The following PRKD1 variants were observed in gnomAD, a reference collection of about 807,000 sequenced individuals.
The protein encoded by PRKD1 is protein kinase D1, also known as serine/threonine-protein kinase D1.
In PRKD1, 63 loss-of-function variants were observed where a neutral mutation model predicts 95.9. The observed-to-expected ratio is 0.66, with a 90% CI of 0.54 to 0.81. The LOEUF is 0.81. Ranked by LOEUF, PRKD1 falls within the 30% of genes least tolerant of loss-of-function variation. The pLI, the probability that PRKD1 is intolerant of heterozygous loss-of-function variation, is 0.00. For synonymous variants in PRKD1, 425 were observed against 423.1 expected, an observed-to-expected ratio of 1.00 and a Z score of -0.05; for missense variants, 1,048 against 1,165.3, an observed-to-expected ratio of 0.90 and a Z score of 1.47.
At chr14:29,809,520 A>AT (rs1246480556) in intron 1 of PRKD1, among the ~76,000 whole-genome samples, 1 of 152,200 alleles carries the variant, frequency 6.6e-6, no homozygotes, top group Non-Finnish European at 1.5e-5. Context: ...TAACTTGCTG[A>AT]TGCTTCTACA....
At chr14:29,609,321 C>T (rs1484160598) in intron 13 of PRKD1, among the ~76,000 whole-genome samples, 2 of 152,006 alleles carry the variant, frequency 1.3e-5, no homozygotes, top group Non-Finnish European at 2.9e-5. Flanking sequence ...GGGAGTCAAC[C>T]TTGAGGTGGC....
At chr14:29,619,479 G>A (rs1483447847) in intron 13 of PRKD1, among the ~76,000 whole-genome samples, 1 of 152,130 alleles carries the variant, frequency 6.6e-6, no homozygotes, top group African/African-American at 2.4e-5. Flanking sequence ...TGGCAGTGGG[G>A]ATACATTAGT....
chr14:29,914,830 T>C (rs1477859535), intron 1 of PRKD1, among the ~76,000 whole-genome samples: 1 of 151,826 alleles, frequency 6.6e-6, no homozygotes, highest in Non-Finnish European at 1.5e-5. Context: ...TGGAGTGCAG[T>C]GGCGTGATCT....
intron 13 of PRKD1, among the ~76,000 whole-genome samples, chr14:29,613,342 T>C (rs1171376552): frequency 6.6e-6 from 1 of 152,198 alleles, no homozygotes; most frequent in Non-Finnish European, 1.5e-5. Context: ...TCTCTGGTTT[T>C]CTGTCATAAT....
Position 29,577,248 on chromosome 14 carries a change from C to T in PRKD1, c.2729G>A (p.Ser910Asn), listed in dbSNP as rs1452411516. 1 of 1,612,414 alleles carries T rather than the reference C, an allele frequency of 6.2e-7. No individual in the cohort carries two copies. The highest frequency in any genetic ancestry group is 8.5e-7 in the Non-Finnish European group (1 of 1,178,866). ...TATAGGAGATGGAACTCAGAGGATG[C>T]TGACACGCTCACCGAGGGCTTTCAT... The part of the protein sequence containing the change: ...TEMKALGERV[S>N]IL The change falls in exon 18 of 18, where the codon AGC (serine) becomes AAC (asparagine). Residue 910 changes from serine (S) to asparagine (N), a missense_variant. Ser to Asn is a conservative substitution (Grantham distance 46, BLOSUM62 1). Transcript: ENST00000331968.
chr14:29,641,653 A>G (rs2139146382), intron 4 of PRKD1, among the ~76,000 whole-genome samples: 1 of 152,280 alleles, frequency 6.6e-6, no homozygotes, highest in Admixed American at 6.5e-5. Context: ...GTGTGAAAAC[A>G]AAAAAGTAAG....
intron 16 of PRKD1, among the ~76,000 whole-genome samples, chr14:29,593,755 AG>A (rs1893208303): frequency 6.6e-6 from 1 of 152,222 alleles, no homozygotes; most frequent in Non-Finnish European, 1.5e-5. Context: ...GAGCCAATAA[AG>A]TATCTTATTT....
chr14:29,834,114 T>G (rs1381374329), intron 1 of PRKD1, among the ~76,000 whole-genome samples: 1 of 152,186 alleles, frequency 6.6e-6, no homozygotes, highest in Non-Finnish European at 1.5e-5. Flanking sequence ...TTCATGAAAC[T>G]TTAATTTGTT....
rs553740694 is a variant in PRKD1, at chr14:29,791,916, A to T, written c.265-66242T>A. ...TTTAATATTTCTTAAAAGTTGCCGA[A>T]CTGTTTTCCAAAGTGATTGTGGTAT... On this transcript the variant is annotated intron_variant, in intron 1 of 17. Transcript: ENST00000331968. Among the ~76,000 whole-genome samples, 8 of 152,274 alleles carry T rather than the reference A, an allele frequency of 5.3e-5. No homozygotes were observed. In the East Asian group the frequency reaches 1.5e-3, roughly 29 times the overall value.
chr14:29,846,898 G>A (rs1423595839), intron 1 of PRKD1, among the ~76,000 whole-genome samples: 3 of 152,156 alleles, frequency 2.0e-5, no homozygotes, highest in Non-Finnish European at 4.4e-5. Flanking sequence ...AGTCAAGCAT[G>A]ACACCTGTGT....
intron 1 of PRKD1, among the ~76,000 whole-genome samples, chr14:29,747,832 C>T (rs1887299340): frequency 6.6e-6 from 1 of 152,160 alleles, no homozygotes; most frequent in South Asian, 2.1e-4. Context: ...CAACCTCTGT[C>T]TCCTGAACTC....
intron 2 of PRKD1, among the ~76,000 whole-genome samples, chr14:29,698,758 CT>C (rs1884670202): frequency 6.6e-6 from 1 of 151,966 alleles, no homozygotes; most frequent in Non-Finnish European, 1.5e-5. Context: ...ATCGTGGTCT[CT>C]TTTCCCTAAA....
At chr14:29,833,777 T>C (rs1416492240) in intron 1 of PRKD1, among the ~76,000 whole-genome samples, 2 of 152,072 alleles carry the variant, frequency 1.3e-5, no homozygotes, top group Admixed American at 1.3e-4. Flanking sequence ...TACAATGAAA[T>C]TGCTATTTGT....
At chr14:29,596,466 T>C (rs1893308201) in intron 16 of PRKD1, among the ~76,000 whole-genome samples, 1 of 152,192 alleles carries the variant, frequency 6.6e-6, no homozygotes, top group African/African-American at 2.4e-5. Flanking sequence ...TCACTTCTTT[T>C]TTTTTGAGAT....
intron 2 of PRKD1, among the ~76,000 whole-genome samples, chr14:29,721,488 T>C (rs966083343): frequency 2.6e-5 from 4 of 152,140 alleles, no homozygotes; most frequent in African/African-American, 9.7e-5. Flanking sequence ...TGATAATTAT[T>C]AGAGATCAAG....
chr14:29,765,116 T>TG (rs1888199835), intron 1 of PRKD1, among the ~76,000 whole-genome samples: 1 of 152,168 alleles, frequency 6.6e-6, no homozygotes, highest in Admixed American at 6.5e-5. Flanking sequence ...ATTATCTCTG[T>TG]GGGAGTGTAC....
chr14:29,662,710 T>C (rs1882250057), intron 4 of PRKD1, among the ~76,000 whole-genome samples: 6 of 152,096 alleles, frequency 3.9e-5, no homozygotes, highest in Admixed American at 3.9e-4. Flanking sequence ...AAGTAATTTA[T>C]ACAACTTCTT....
At chr14:29,651,693 A>T (rs1199944099) in intron 4 of PRKD1, among the ~76,000 whole-genome samples, 1 of 151,630 alleles carries the variant, frequency 6.6e-6, no homozygotes, top group African/African-American at 2.4e-5. Context: ...AGGACATATA[A>T]ACTGTTGAAG....
intron 4 of PRKD1, among the ~76,000 whole-genome samples, chr14:29,661,447 G>T (rs1212117852): frequency 1.3e-5 from 2 of 152,118 alleles, no homozygotes; most frequent in Non-Finnish European, 2.9e-5. Context: ...TGGTGTTACT[G>T]GGTTGAAAAG....
Sources: allele counts gnomAD v4.1 joint callset (sites outside exome capture counted in the v4.1 genomes callset), GRCh38; gene constraint gnomAD v4.1.1; transcripts MANE v1.5; gene names NCBI Gene and HGNC (gene_info 2026-07-23, HGNC 2026-07-21).